The following GDF5 variants were observed in gnomAD, a reference collection of about 807,000 sequenced individuals.
GDF5 encodes the protein growth/differentiation factor 5.
Under a neutral mutation model 34.6 loss-of-function variants are expected in GDF5, and 17 were observed. The observed-to-expected ratio is 0.49, with a 90% CI of 0.34 to 0.74. GDF5 has a LOEUF of 0.74. GDF5 is among the 30% of genes least tolerant of loss of function. The pLI, the probability that GDF5 is intolerant of heterozygous loss-of-function variation, is 0.01. For synonymous variants in GDF5, 332 were observed against 290.7 expected, an observed-to-expected ratio of 1.14 and a Z score of -1.44; for missense variants, 616 against 661.2, an observed-to-expected ratio of 0.93 and a Z score of 0.75.
chr20:35,438,821 A>ATGTGTGTGTGTGTG (rs1177580555), upstream of GDF5, among the ~76,000 whole-genome samples: 405 of 44,976 alleles, frequency 9.0e-3, 2 homozygotes, highest in African/African-American at 0.02. Flanking sequence ...CTGATTTGTT[A>ATGTGTGTGTGTGTG]TGCGTGTGTG....
chr20:35,438,949 C>T (rs1165439871), upstream of GDF5, among the ~76,000 whole-genome samples: 1 of 149,826 alleles, frequency 6.7e-6, no homozygotes, highest in African/African-American at 2.5e-5. Flanking sequence ...CAGCATTTAC[C>T]CACATTTTCT....
In GDF5 at chr20:35,434,116, G is replaced by A. The variant is rs886042958; in HGVS notation, c.1299C>T (p.Cys433=). 12 of 1,614,056 alleles carry A rather than the reference G, an allele frequency of 7.4e-6. No individual in the cohort carries two copies. Among genetic ancestry groups the A allele is most frequent in the South Asian group, 3.3e-5 (3 of 91,082 alleles). Residue 433 remains cysteine (C), a synonymous_variant, in exon 2 of 2, where the codon TGC becomes TGT. Coordinates refer to ENST00000374369, the MANE Select transcript of GDF5 (RefSeq NM_000557.5). ...CCAGGTGGGAGCGCAATGGGAACTC[G>A]CACAGCCCCTCGCAGTGGAAAGCCT... ...EYEAFHCEGL[C]EFPLRSHLEP... is the part of the protein sequence containing the mutation.
chr20:35,438,310 CCA>C (rs1555823616), upstream of GDF5: 4 of 276,208 alleles, frequency 1.4e-5, no homozygotes, highest in African/African-American at 2.2e-5. Context: ...CCTGTGTGCT[CCA>C]GTTTTTTTTT....
At chr20:35,448,448 CTTT>C (rs34209210) in intron 1 of GDF5, among the ~76,000 whole-genome samples, 2 of 86,748 alleles carry the variant, frequency 2.3e-5, no homozygotes, top group Admixed American at 4.1e-4. Context: ...GCCCCCCCGA[CTTT>C]TTTTTTTTTT....
At position 35,434,615 on chromosome 20, in the gene GDF5, C is replaced by A; in HGVS notation, c.800G>T (p.Ser267Ile). Residue 267 changes from serine to isoleucine, a missense_variant, in exon 2 of 2, where the codon AGC (serine) becomes ATC (isoleucine). Transcript: ENST00000374369. ...GGRAAQLKLS[S>I]CPSGRQPAAL... ...GGCCGGCTGCCGGCCGCTGGGGCAG[C>A]TGGACAGCTTCAGCTGGGCAGCCCG... is the stretch of plus-strand genomic sequence containing the variant. The A allele has an allele frequency of 6.2e-7, 1 of 1,600,448 alleles. No individual in the cohort carries two copies. Among genetic ancestry groups the A allele is most frequent in the Non-Finnish European group, 8.5e-7 (1 of 1,171,158 alleles).
upstream of GDF5, among the ~76,000 whole-genome samples, chr20:35,439,556 C>T (rs2062490697): frequency 6.6e-6 from 1 of 152,152 alleles, no homozygotes; most frequent in Admixed American, 6.5e-5. Flanking sequence ...TTTCTGGTAG[C>T]TCTGGAAGGT....
intron 1 of GDF5, among the ~76,000 whole-genome samples, chr20:35,451,567 TTC>T (rs934818102): frequency 7.9e-5 from 12 of 151,362 alleles, no homozygotes; most frequent in East Asian, 1.9e-4. Context: ...TGCGTTTTTT[TTC>T]TGTTTTTTTT....
At position 35,434,327 on chromosome 20, in the gene GDF5, C is replaced by A. The variant is rs960126343; in HGVS notation, c.1088G>T (p.Gly363Val). The A allele has an allele frequency of 6.2e-7, 1 of 1,614,014 alleles. No homozygotes were observed. Among genetic ancestry groups the A allele is most frequent in the Non-Finnish European group, 8.5e-7 (1 of 1,180,030 alleles). The change falls in exon 2 of 2, where the codon GGC becomes GTC. Residue 363 changes from glycine to valine, a missense_variant. Coordinates refer to ENST00000374369, the MANE Select transcript of GDF5 (RefSeq NM_000557.5). ...LFFNEIKARS[G>V]QDDKTVYEYL... ...CTCATACACGGTCTTATCGTCCTGG[C>A]CAGAGCGGGCCTTAATCTCATTAAA...
At position 35,434,138 on chromosome 20, in the gene GDF5, G is replaced by C; in HGVS notation, c.1277C>G (p.Ala426Gly). The C allele has an allele frequency of 6.2e-7, 1 of 1,614,186 alleles. No homozygotes were observed. Among genetic ancestry groups the C allele is most frequent in the Non-Finnish European group, 8.5e-7 (1 of 1,180,036 alleles). Reference sequence around the variant, plus strand: ...CTCGCACAGCCCCTCGCAGTGGAAAGCCTCGTACTCAAGGGGTGCGATGAT... The same window carrying C: ...CTCGCACAGCCCCTCGCAGTGGAAACCCTCGTACTCAAGGGGTGCGATGAT... ...DWIIAPLEYEAFHCEGLCEFP... is the reference protein window; with the variant it reads ...DWIIAPLEYEGFHCEGLCEFP... The change falls in exon 2 of 2, where the codon GCT (alanine) becomes GGT (glycine). Residue 426 changes from alanine (A) to glycine (G), a missense_variant. Coordinates refer to ENST00000374369, the MANE Select transcript of GDF5 (RefSeq NM_000557.5).
At position 35,437,924 on chromosome 20, in the gene GDF5, C is replaced by G; in HGVS notation, c.5G>C (p.Arg2Thr). Residue 2 changes from arginine to threonine, a missense_variant, in exon 1 of 2, where the codon AGA (arginine) becomes ACA (threonine). Physicochemically the swap from Arg to Thr is moderately conservative, Grantham distance 71. Coordinates refer to ENST00000374369, the MANE Select transcript of GDF5 (RefSeq NM_000557.5). M[R>T]LPKLLTFLLW... is the part of the protein sequence containing the mutation. ...CAAGAAAGTGAGGAGTTTGGGGAGT[C>G]TCATCCTCTGGCCAGCCGCTGAATG... 1 of 1,614,020 alleles carries G rather than the reference C, an allele frequency of 6.2e-7. No individual in the cohort carries two copies.
intron 1 of GDF5, among the ~76,000 whole-genome samples, chr20:35,449,430 C>A (rs1049507547): frequency 2.0e-5 from 3 of 152,148 alleles, no homozygotes; most frequent in Non-Finnish European, 4.4e-5. Context: ...TAGTGCACCA[C>A]CACACCTGGC....
rs577999849 is a variant in GDF5, at chr20:35,436,379, C to A, written c.631+919G>T. ...AGCTCTAATGAGGAGCCTCTCCCAC[C>A]CTCTGACCCCTCCCCCACCCTGCCA... is the stretch of plus-strand genomic sequence containing the variant. On this transcript the variant is annotated intron_variant, in intron 1 of 1. Transcript: ENST00000374369. Among the ~76,000 whole-genome samples, 196 of 151,902 alleles carry A rather than the reference C, an allele frequency of 1.3e-3. 1 individual carries two copies. The highest frequency in any genetic ancestry group is 4.6e-3 in the African/African-American group (190 of 41,412).
intron 1 of GDF5, chr20:35,454,080 C>A (rs772839648): frequency 2.0e-6 from 1 of 499,602 alleles, no homozygotes; most frequent in South Asian, 1.5e-5. Flanking sequence ...GTTTTTAATT[C>A]CTACTAAAAA....
At chr20:35,438,612 G>A (rs548064474), upstream of GDF5, among the ~76,000 whole-genome samples, 3 of 152,310 alleles carry the variant, frequency 2.0e-5, no homozygotes, top group South Asian at 4.1e-4. Flanking sequence ...TCTAGGCTTA[G>A]GGGGCCTCCC....
At chr20:35,444,608 T>C (rs1353375439) in intron 1 of GDF5, among the ~76,000 whole-genome samples, 1 of 152,194 alleles carries the variant, frequency 6.6e-6, no homozygotes, top group Non-Finnish European at 1.5e-5. Flanking sequence ...TCTTTTGTTT[T>C]TTTGAGACAA....
rs367694707 is a variant in GDF5 at position 35,437,355 on chromosome 20, C to T, written c.574G>A (p.Val192Met). Residue 192 changes from valine (V) to methionine (M), a missense_variant, in exon 1 of 2, where the codon GTG (valine) becomes ATG (methionine). Transcript: ENST00000374369. ...TTGGCCAGGCCAGCCTCCAACTTCA[C>T]GCTGCTGTTGCCTCCCTTTCTGTCA... ...DADRKGGNSS[V>M]KLEAGLANTI... 2.4e-5 allele frequency: 38 copies of T among 1,613,146 alleles called. 1 individual carries two copies. The South Asian group carries it at 3.2e-4, about 14-fold the overall frequency.
chr20:35,434,275 C>T lies in GDF5; in HGVS notation c.1140G>A (p.Arg380=). Residue 380 remains arginine (R), a synonymous_variant, in exon 2 of 2, where the codon CGG becomes CGA. Transcript: ENST00000374369. ...YEYLFSQRRK[R]RAPLATRQGK... Reference sequence around the variant, plus strand: ...CCTGGCGAGTGGCCAGTGGGGCCCGCCGTTTTCGCCGCTGGCTGAACAGGT... The same window carrying T: ...CCTGGCGAGTGGCCAGTGGGGCCCGTCGTTTTCGCCGCTGGCTGAACAGGT... The T allele has an allele frequency of 6.2e-7, 1 of 1,614,192 alleles. No homozygotes were observed. The highest frequency in any genetic ancestry group is 2.2e-5 in the East Asian group (1 of 44,886).
chr20:35,444,294 A>G (rs1285659912), intron 1 of GDF5, among the ~76,000 whole-genome samples: 2 of 152,236 alleles, frequency 1.3e-5, no homozygotes, highest in Non-Finnish European at 2.9e-5. Context: ...AAGCAGGGTC[A>G]AAGAGGTGTC....
chr20:35,451,073 A>ATATATATATATATATT (rs2062531186), intron 1 of GDF5, among the ~76,000 whole-genome samples: 1 of 44,238 alleles, frequency 2.3e-5, no homozygotes, highest in African/African-American at 2.2e-4. Flanking sequence ...AAATATATAT[A>ATATATATATATATATT]TATATATATA....
Sources: allele counts gnomAD v4.1 joint callset (sites outside exome capture counted in the v4.1 genomes callset), GRCh38; gene constraint gnomAD v4.1.1; transcripts MANE v1.5; gene names NCBI Gene and HGNC (gene_info 2026-07-23, HGNC 2026-07-21).